Variants in WDR33 observed in about 807,000 individuals in gnomAD.
WDR33 encodes pre-mRNA 3' end processing protein WDR33.
A neutral mutation model predicts 164.9 loss-of-function variants in WDR33; 47 were observed. The observed-to-expected ratio is 0.29, with a 90% CI of 0.23 to 0.36. WDR33 has a LOEUF of 0.36. Among genes scored for constraint, WDR33 ranks in the 10% least tolerant of loss-of-function variants. WDR33 has a pLI of 1.00. For synonymous variants in WDR33, 505 were observed against 589.0 expected, an observed-to-expected ratio of 0.86 and a Z score of 2.06; for missense variants, 1,137 against 1,754.1, an observed-to-expected ratio of 0.65 and a Z score of 6.28.
At chr2:127,739,086 A>C (rs911622625) in intron 7 of WDR33, among the ~76,000 whole-genome samples, 1 of 152,238 alleles carries the variant, frequency 6.6e-6, no homozygotes, top group Non-Finnish European at 1.5e-5. Context: ...AAACCAGTTC[A>C]AATTAAATTA....
At chr2:127,775,986 C>A (rs1288769605) in intron 1 of WDR33, among the ~76,000 whole-genome samples, 1 of 152,186 alleles carries the variant, frequency 6.6e-6, no homozygotes, top group Non-Finnish European at 1.5e-5. Flanking sequence ...ACTTCAGCTT[C>A]ACATCCTGCA....
At chr2:127,775,212 G>A (rs893781028) in intron 1 of WDR33, among the ~76,000 whole-genome samples, 7 of 151,702 alleles carry the variant, frequency 4.6e-5, no homozygotes, top group African/African-American at 1.2e-4. Flanking sequence ...TTTTTGAGAC[G>A]GAGTCTCACT....
At chr2:127,748,364 T>C (rs2105411185) in intron 7 of WDR33, among the ~76,000 whole-genome samples, 1 of 152,350 alleles carries the variant, frequency 6.6e-6, no homozygotes, top group South Asian at 2.1e-4. Context: ...GTATTCACAC[T>C]TGTAAATACT....
At chr2:127,766,948 G>A (rs568525850) in intron 4 of WDR33, among the ~76,000 whole-genome samples, 42 of 152,164 alleles carry the variant, frequency 2.8e-4, no homozygotes, top group African/African-American at 9.4e-4. Flanking sequence ...TAGTAAACAC[G>A]AGGTTTCATC....
chr2:127,702,050 C>T lies in WDR33; in HGVS notation c.*4273G>A, dbSNP rs951832886. 4 of 1,227,890 alleles carry T rather than the reference C, an allele frequency of 3.3e-6. No individual in the cohort carries two copies. In the African/African-American group the frequency reaches 4.8e-5, roughly 15 times the overall value. The allele number at this position is 1,227,890 out of a possible 1,614,324, so 76.1% of individuals were successfully genotyped here. ...CGCTGCTCACGGTGCTGGGCGCGGG[C>T]GCGCAGGTGGCCGCGCTGCTGGCCG... On this transcript the variant is annotated 3_prime_UTR_variant, in exon 22 of 22. Transcript: ENST00000322313.
chr2:127,786,941 G>A (rs1196851778), intron 1 of WDR33, among the ~76,000 whole-genome samples: 1 of 124,456 alleles, frequency 8.0e-6, no homozygotes, highest in Middle Eastern at 3.4e-3. Context: ...AATAGTGGAG[G>A]GAAGGTCAGC....
Position 127,720,494 on chromosome 2 carries a change from A to G in WDR33, c.1672-141T>C. The G allele has an allele frequency of 1.9e-6, 2 of 1,030,552 alleles. No individual in the cohort carries two copies. The highest frequency in any genetic ancestry group is 2.6e-6 in the Non-Finnish European group (2 of 767,798). The allele number at this position is 1,030,552 out of a possible 1,614,324, so 63.8% of individuals were successfully genotyped here. A position where few individuals can be genotyped will look rare whatever the true frequency, so the allele number is the denominator to read the frequency against. On this transcript the variant is annotated intron_variant, in intron 15 of 21. Transcript: ENST00000322313. The surrounding 1 kb of genome is among the most constrained non-coding windows in gnomAD (Gnocchi z 5.9). ...CTCTTCACGCTCCAGTGGTAATTAG[A>G]GTCCATGCAACACTCAAGCACTGTA... is the stretch of plus-strand genomic sequence containing the variant.
chr2:127,764,268 C>T lies in WDR33; in HGVS notation c.626+560G>A. 1.6e-6 allele frequency: 2 copies of T among 1,243,630 alleles called. No individual in the cohort carries two copies. Among genetic ancestry groups the T allele is most frequent in the Non-Finnish European group, 2.0e-6 (2 of 991,590 alleles). 77.0% of individuals were successfully genotyped at this position (1,243,630 alleles called of 1,614,324 possible). ...CTAGAGTCTTCTTGACAATGATCTG[C>T]TTACAGCTGCAAAGCTTGAAGAACC... On this transcript the variant is annotated intron_variant, in intron 6 of 21. Coordinates refer to ENST00000322313, the MANE Select transcript of WDR33 (RefSeq NM_018383.5). The surrounding 1 kb of genome is among the most constrained non-coding windows in gnomAD (Gnocchi z 6.2).
At position 127,785,429 on chromosome 2, in the gene WDR33, C is replaced by T. The variant is rs552381490; in HGVS notation, c.-23-14425G>A. On this transcript the variant is annotated intron_variant, in intron 1 of 21. Coordinates refer to ENST00000322313, the MANE Select transcript of WDR33 (RefSeq NM_018383.5). Reference sequence around the variant, plus strand: ...AAATGTCTAATGACATGTATCCACACAGAATAGTTTCTGCTGCCCTAAAAA... The same window carrying T: ...AAATGTCTAATGACATGTATCCACATAGAATAGTTTCTGCTGCCCTAAAAA... Among the ~76,000 whole-genome samples, 3 of 152,320 alleles carry T rather than the reference C, an allele frequency of 2.0e-5. No individual in the cohort carries two copies. The East Asian group carries it at 5.8e-4, about 29-fold the overall frequency.
chr2:127,774,069 TA>T (rs1461892580), intron 1 of WDR33, among the ~76,000 whole-genome samples: 1 of 141,758 alleles, frequency 7.1e-6, no homozygotes, highest in Non-Finnish European at 1.5e-5. Context: ...TTTTTTTTTT[TA>T]AGACAGAGTC....
intron 1 of WDR33, among the ~76,000 whole-genome samples, chr2:127,775,934 C>A (rs1179906006): frequency 6.6e-6 from 1 of 152,086 alleles, no homozygotes; most frequent in Non-Finnish European, 1.5e-5. Flanking sequence ...AACAAAAAAT[C>A]TCTTCACAAT....
intron 1 of WDR33, among the ~76,000 whole-genome samples, chr2:127,800,165 G>A (rs996142486): frequency 1.3e-5 from 2 of 152,114 alleles, no homozygotes; most frequent in African/African-American, 2.4e-5. Flanking sequence ...AATTCCCAAG[G>A]GAACTGAAAG....
At chr2:127,742,874 CAAAA>C (rs540115118) in intron 7 of WDR33, among the ~76,000 whole-genome samples, 1 of 127,024 alleles carries the variant, frequency 7.9e-6, no homozygotes, top group Non-Finnish European at 1.7e-5. Flanking sequence ...AAAAAAAAAA[CAAAA>C]AAAAACACCC....
intron 7 of WDR33, among the ~76,000 whole-genome samples, chr2:127,733,879 C>A (rs951959812): frequency 6.6e-6 from 1 of 152,134 alleles, no homozygotes; most frequent in Admixed American, 6.5e-5. Flanking sequence ...GCAGAACTAT[C>A]CAGCCCTCTA....
At chr2:127,781,002 A>C (rs1688350556) in intron 1 of WDR33, among the ~76,000 whole-genome samples, 1 of 152,108 alleles carries the variant, frequency 6.6e-6, no homozygotes, top group Non-Finnish European at 1.5e-5. Context: ...CTGGGACTAC[A>C]AGCGTGCCCC....
chr2:127,784,620 A>G (rs1399190779), intron 1 of WDR33, among the ~76,000 whole-genome samples: 1 of 152,148 alleles, frequency 6.6e-6, no homozygotes, highest in East Asian at 1.9e-4. Context: ...GGCTCAATCT[A>G]TCTACTCACC....
chr2:127,721,986 A>C lies in WDR33; in HGVS notation c.1521T>G (p.Ala507=), dbSNP rs1686452265. 1 of 1,610,494 alleles carries C rather than the reference A, an allele frequency of 6.2e-7. No homozygotes were observed. Among genetic ancestry groups the C allele is most frequent in the Non-Finnish European group, 8.5e-7 (1 of 1,179,382 alleles). Residue 507 remains alanine (A), a splice_region_variant and synonymous_variant, in exon 15 of 22, where the codon GCT becomes GCG. Transcript: ENST00000322313. The surrounding 1 kb of genome is among the most constrained non-coding windows in gnomAD (Gnocchi z 4.9). The part of the protein sequence containing the change: ...AKPIPAQFQQ[A]WMQNKVPIPA... The stretch of plus-strand genomic sequence containing the variant: ...GAATTGGAACTTTATTTTGCATCCA[A>C]GCCTTGGGAAAGAAGAGAATATTAA...
Position 127,738,252 on chromosome 2 carries a change from A to T in WDR33, c.725-11475T>A, listed in dbSNP as rs1295335001. Among the ~76,000 whole-genome samples the T allele has an allele frequency of 6.6e-6, 1 of 152,210 alleles. No homozygotes were observed. Among genetic ancestry groups the T allele is most frequent in the African/African-American group, 2.4e-5 (1 of 41,456 alleles). On this transcript the variant is annotated intron_variant, in intron 7 of 21. Coordinates refer to ENST00000322313, the MANE Select transcript of WDR33 (RefSeq NM_018383.5). The surrounding 1 kb of genome is among the most constrained non-coding windows in gnomAD (Gnocchi z 4.4). ...GTTTCAAAGAAAAATGTAATCTGAG[A>T]AAACTTCAACTGGGAGCTGGTTATA...
chr2:127,750,518 G>A (rs974508920), intron 7 of WDR33, among the ~76,000 whole-genome samples: 2 of 150,004 alleles, frequency 1.3e-5, no homozygotes, highest in Non-Finnish European at 3.0e-5. Context: ...ATGGTGGCAC[G>A]TGCCTATAAT....
Sources: allele counts gnomAD v4.1 joint callset (sites outside exome capture counted in the v4.1 genomes callset), GRCh38; gene constraint gnomAD v4.1.1; non-coding constraint Gnocchi (gnomAD v3.1); transcripts MANE v1.5; gene names NCBI Gene and HGNC (gene_info 2026-07-23, HGNC 2026-07-21).